NCKAP1: variants seen among roughly 807,000 people sequenced by gnomAD.
NCKAP1 encodes the protein nck-associated protein 1.
In NCKAP1, 21 loss-of-function variants were observed where a neutral mutation model predicts 151.2. The ratio of observed to expected loss-of-function variants is 0.14; its 90% CI spans 0.10 to 0.20. NCKAP1 has a LOEUF of 0.20. Ranked by LOEUF, NCKAP1 falls within the 10% of genes least tolerant of loss-of-function variation. The pLI is 1.00. For missense variants in NCKAP1, 933 were observed against 1,352.1 expected, an observed-to-expected ratio of 0.69 and a Z score of 4.86; for synonymous variants, 484 against 451.8, an observed-to-expected ratio of 1.07 and a Z score of -0.90.
chr2:183,035,146 A>T (rs1699078085), intron 1 of NCKAP1, among the ~76,000 whole-genome samples: 1 of 152,144 alleles, frequency 6.6e-6, no homozygotes, highest in South Asian at 2.1e-4. Context: ...ATTTAAATGT[A>T]AAGCTACCAA....
At chr2:183,022,343 T>C (rs1257248423) in intron 2 of NCKAP1, among the ~76,000 whole-genome samples, 2 of 152,204 alleles carry the variant, frequency 1.3e-5, no homozygotes, top group Non-Finnish European at 1.5e-5. Flanking sequence ...AGAGTGAGTA[T>C]ATAATCTCTC....
chr2:182,922,794 C>A lies in NCKAP1; in HGVS notation c.*2908G>T, dbSNP rs1696572851. The A allele has an allele frequency of 6.6e-6, 1 of 152,260 alleles. No homozygotes were observed. The highest frequency in any genetic ancestry group is 2.1e-4 in the South Asian group (1 of 4,832). The allele number at this position is 152,260 out of a possible 1,614,324, so 9.4% of individuals were successfully genotyped here. On this transcript the variant is annotated 3_prime_UTR_variant, in exon 31 of 31. Transcript: ENST00000361354. ...TTGGGAGGCTGAGGTGGGTGGATCACCTGAGGTCAGGAGTTCGAGACCAGC... is the reference window on the plus strand; with the variant it reads ...TTGGGAGGCTGAGGTGGGTGGATCAACTGAGGTCAGGAGTTCGAGACCAGC...
rs1000566647 is a variant in NCKAP1, at chr2:182,921,094, A to G, written c.*4608T>C. The G allele has an allele frequency of 2.0e-5, 3 of 152,204 alleles. No individual in the cohort carries two copies. The highest frequency in any genetic ancestry group is 4.1e-4 in the South Asian group (2 of 4,826). The allele number at this position is 152,204 out of a possible 1,614,324, so 9.4% of individuals were successfully genotyped here. A position where few individuals can be genotyped will look rare whatever the true frequency, so the allele number is the denominator to read the frequency against. On this transcript the variant is annotated 3_prime_UTR_variant, in exon 31 of 31. Transcript: ENST00000361354. The stretch of plus-strand genomic sequence containing the variant: ...TTAGTCAGTTACTAATGGAGAAAAA[A>G]TAAATATAATTTGGTTGCAACCTCG...
chr2:183,009,254 G>A (rs1165069126), intron 2 of NCKAP1, among the ~76,000 whole-genome samples: 2 of 151,720 alleles, frequency 1.3e-5, no homozygotes, highest in East Asian at 3.9e-4. Flanking sequence ...AGCCACCTGT[G>A]GTCCCAGCTA....
In NCKAP1 at chr2:182,915,046, C is replaced by G. The variant is rs1273838202; in HGVS notation, c.*10656G>C. ...CCTGGGTGTCCCCCTAGGGCTACAG[C>G]TGCTCTCAAGGTCACTTCCTCTCAC... On this transcript the variant is annotated 3_prime_UTR_variant, in exon 31 of 31. Transcript: ENST00000361354. 1 of 152,214 alleles carries G rather than the reference C, an allele frequency of 6.6e-6. No homozygotes were observed. Among genetic ancestry groups the G allele is most frequent in the Non-Finnish European group, 1.5e-5 (1 of 68,060 alleles). 9.4% of individuals were successfully genotyped at this position (152,214 alleles called of 1,614,324 possible).
At position 183,038,268 on chromosome 2, in the gene NCKAP1, C is replaced by A; in HGVS notation, c.-169G>T. On this transcript the variant is annotated 5_prime_UTR_variant, in exon 1 of 31. Coordinates refer to ENST00000361354, the MANE Select transcript of NCKAP1 (RefSeq NM_013436.5). ...AATCCCGCGCCGGCGACAGAGCGAG[C>A]CGCGGCGGACTCCTCGGAGCCCCTT... 1 of 432,658 alleles carries A rather than the reference C, an allele frequency of 2.3e-6. No individual in the cohort carries two copies. Among genetic ancestry groups the A allele is most frequent in the South Asian group, 4.9e-5 (1 of 20,566 alleles). 26.8% of individuals were successfully genotyped at this position (432,658 alleles called of 1,614,324 possible).
intron 1 of NCKAP1, among the ~76,000 whole-genome samples, chr2:183,025,725 A>G (rs907660195): frequency 6.6e-6 from 1 of 152,192 alleles, no homozygotes; most frequent in Non-Finnish European, 1.5e-5. Flanking sequence ...CTCCCCAAAT[A>G]TAATAGCTAA....
Position 182,915,371 on chromosome 2 carries a change from A to T in NCKAP1, c.*10331T>A, listed in dbSNP as rs543037641. 2 of 152,368 alleles carry T rather than the reference A, an allele frequency of 1.3e-5. No homozygotes were observed. Among genetic ancestry groups the T allele is most frequent in the Admixed American group, 1.3e-4 (2 of 15,300 alleles). 9.4% of individuals were successfully genotyped at this position (152,368 alleles called of 1,614,324 possible). A position where few individuals can be genotyped will look rare whatever the true frequency, so the allele number is the denominator to read the frequency against. On this transcript the variant is annotated 3_prime_UTR_variant, in exon 31 of 31. Transcript: ENST00000361354. ...GTGATCTATCCTTCAAACTACAGGCATGATATTCCTTCACTTGCCAGCAAC... is the reference window on the plus strand; with the variant it reads ...GTGATCTATCCTTCAAACTACAGGCTTGATATTCCTTCACTTGCCAGCAAC...
intron 24 of NCKAP1, 134 bp from the exon 25 acceptor site, chr2:182,935,509 A>T: frequency 1.9e-6 from 1 of 538,686 alleles, no homozygotes; most frequent in Non-Finnish European, 3.2e-6. Flanking sequence ...CAGTAATTTG[A>T]TTACAATAAT....
chr2:183,027,373 C>T (rs1158527607), intron 1 of NCKAP1, among the ~76,000 whole-genome samples: 1 of 152,120 alleles, frequency 6.6e-6, no homozygotes, highest in Non-Finnish European at 1.5e-5. Flanking sequence ...TACAGAAGTA[C>T]TAGGCCCCAT....
intron 6 of NCKAP1, among the ~76,000 whole-genome samples, chr2:182,998,185 G>A (rs944480979): frequency 2.0e-5 from 3 of 152,044 alleles, no homozygotes; most frequent in African/African-American, 7.2e-5. Flanking sequence ...CTCAAAATAA[G>A]CAGTGCCATC....
chr2:182,969,707 A>G (rs1559086779), intron 15 of NCKAP1, among the ~76,000 whole-genome samples: 1 of 152,130 alleles, frequency 6.6e-6, no homozygotes, highest in African/African-American at 2.4e-5. Flanking sequence ...GAAAGACCAA[A>G]TAACCTAATA....
chr2:182,951,636 C>CAAAAAAAAAAAAAAAAAAAA (rs11336221), intron 23 of NCKAP1, among the ~76,000 whole-genome samples: 5 of 90,776 alleles, frequency 5.5e-5, no homozygotes, highest in East Asian at 7.8e-4. Flanking sequence ...GACTCCATCT[C>CAAAAAAAAAAAAAAAAAAAA]AAAAAAAAAA....
intron 1 of NCKAP1, among the ~76,000 whole-genome samples, chr2:183,037,487 G>A (rs757922978): frequency 5.5e-5 from 8 of 146,136 alleles, no homozygotes; most frequent in South Asian, 2.1e-4. Flanking sequence ...GCAAAGTGGA[G>A]GGGATACGGG....
At chr2:182,927,146 C>T in intron 29 of NCKAP1, 1 of 349,750 alleles carries the variant, frequency 2.9e-6, no homozygotes, top group African/African-American at 2.2e-5. Context: ...GTCTTTAAAA[C>T]TGATTTTTTC....
intron 18 of NCKAP1, among the ~76,000 whole-genome samples, chr2:182,959,336 G>A (rs953495317): frequency 5.9e-5 from 9 of 152,048 alleles, no homozygotes; most frequent in Non-Finnish European, 1.2e-4. Context: ...AGAAAGGCTG[G>A]TACATCTTGT....
intron 6 of NCKAP1, 151 bp downstream of exon 6, chr2:183,001,802 C>T: frequency 3.1e-6 from 2 of 637,710 alleles, no homozygotes; most frequent in Non-Finnish European, 5.5e-6. Context: ...TTAATTAGTT[C>T]CCTGTCTATA....
intron 2 of NCKAP1, among the ~76,000 whole-genome samples, chr2:183,022,379 T>C (rs540153938): frequency 1.3e-5 from 2 of 152,330 alleles, no homozygotes; most frequent in Non-Finnish European, 2.9e-5. Flanking sequence ...TTAATGTCAG[T>C]AACTAAAAAA....
intron 2 of NCKAP1, among the ~76,000 whole-genome samples, chr2:183,009,673 C>T (rs1010890656): frequency 6.6e-6 from 1 of 152,090 alleles, no homozygotes; most frequent in African/African-American, 2.4e-5. Context: ...CAAAGTGTGC[C>T]GTTCAGTGAC....
Sources: allele counts gnomAD v4.1 joint callset (sites outside exome capture counted in the v4.1 genomes callset), GRCh38; gene constraint gnomAD v4.1.1; transcripts MANE v1.5; gene names NCBI Gene and HGNC (gene_info 2026-07-23, HGNC 2026-07-21).